The following CLN6 variants were observed in gnomAD, a reference collection of about 807,000 sequenced individuals.
The protein encoded by CLN6 is CLN6 transmembrane ER protein.
Under a neutral mutation model 33.3 loss-of-function variants are expected in CLN6, and 22 were observed. The observed-to-expected ratio is 0.66, with a 90% CI of 0.47 to 0.94. The LOEUF is 0.94. CLN6 is among the 40% of genes least tolerant of loss of function. The probability of loss-of-function intolerance (pLI) is 0.00; values close to 1 mark genes in which losing one functional copy is unlikely to be tolerated. For synonymous variants in CLN6, 201 were observed against 174.6 expected (o/e 1.15, Z -1.19); for missense variants, 387 against 417.1 (o/e 0.93, Z 0.63).
intron 3 of CLN6, chr15:68,213,101 T>C (rs2093210752): frequency 1.3e-5 from 2 of 151,852 alleles, no homozygotes; most frequent in South Asian, 4.1e-4. Context: ...TTTGTATTTT[T>C]AATGGAGATG....
rs779750025 is a variant in CLN6, at chr15:68,208,366, G to T, written c.710C>A (p.Thr237Asn). The change falls in exon 7 of 7, where the codon ACC becomes AAC. Residue 237 changes from threonine to asparagine, a missense_variant. Thr to Asn is a moderately conservative substitution (Grantham distance 65). Transcript: ENST00000249806. This position sits in a 1 kb window ranked among gnomAD's most constrained non-coding sequence, Gnocchi z 5.8. ...GACGAGGGCCAGCATGGCGAAGAAG[G>T]TGAAGATGAAGAGGATGAAGATCTG... ...EGQIFILFIF[T>N]FFAMLALVLH... 1.2e-6 allele frequency: 2 copies of T among 1,613,856 alleles called. No individual in the cohort carries two copies. Among genetic ancestry groups the T allele is most frequent in the Non-Finnish European group, 1.7e-6 (2 of 1,180,042 alleles).
At position 68,209,561 on chromosome 15, in the gene CLN6, A is replaced by G. The variant is rs753451589; in HGVS notation, c.665+76T>C. ...CTCCCTGGGGCCACACAGCAGGTCC[A>G]TTGGCAAGTGCAGAATTTTGCTGCC... On this transcript the variant is annotated intron_variant, in intron 6 of 6. Transcript: ENST00000249806. This position sits in a 1 kb window ranked among gnomAD's most constrained non-coding sequence, Gnocchi z 4.9. The G allele has an allele frequency of 3.9e-5, 62 of 1,593,652 alleles. No homozygotes were observed. The highest frequency in any genetic ancestry group is 5.2e-5 in the Non-Finnish European group (61 of 1,171,196).
chr15:68,213,232 G>GT (rs1211114330), intron 3 of CLN6: 1 of 151,164 alleles, frequency 6.6e-6, no homozygotes, highest in East Asian at 2.0e-4. Context: ...TAAGTTTTTT[G>GT]TATTTTTTTC....
Position 68,211,904 on chromosome 15 carries a change from G to A in CLN6, c.298-41C>T. 1 of 1,596,320 alleles carries A rather than the reference G, an allele frequency of 6.3e-7. No individual in the cohort carries two copies. The highest frequency in any genetic ancestry group is 1.1e-5 in the South Asian group (1 of 90,600). ...GGGTTGGCAGCATGACCCCACCTCT[G>A]TCACAGTATGTGACACCCTCTGCTT... On this transcript the variant is annotated intron_variant, in intron 3 of 6. Coordinates refer to ENST00000249806, the MANE Select transcript of CLN6 (RefSeq NM_017882.3). This position sits in a 1 kb window ranked among gnomAD's most constrained non-coding sequence, Gnocchi z 5.9.
At position 68,219,591 on chromosome 15, in the gene CLN6, T is replaced by A. The variant is rs777734355; in HGVS notation, c.84-941A>T. On this transcript the variant is annotated intron_variant, in intron 1 of 6. Transcript: ENST00000249806. This position sits in a 1 kb window ranked among gnomAD's most constrained non-coding sequence, Gnocchi z 4.2. Reference sequence around the variant, plus strand: ...GCCTCCTCTGGGAAGGCTTCCCTGATGAAGCTTTTCCCAAAGCCCCACCAG... The same window carrying A: ...GCCTCCTCTGGGAAGGCTTCCCTGAAGAAGCTTTTCCCAAAGCCCCACCAG... 9.9e-5 allele frequency among the ~76,000 whole-genome samples: 15 copies of A among 152,186 alleles called. No homozygotes were observed. Among genetic ancestry groups the A allele is most frequent in the Non-Finnish European group, 2.1e-4 (14 of 68,028 alleles).
At position 68,211,387 on chromosome 15, in the gene CLN6, A is replaced by C; in HGVS notation, c.487-69T>G. The C allele has an allele frequency of 1.3e-6, 2 of 1,579,642 alleles. No individual in the cohort carries two copies. Among genetic ancestry groups the C allele is most frequent in the South Asian group, 2.2e-5 (2 of 90,388 alleles). Reference sequence around the variant, plus strand: ...CAGTCCAGGGAGGTGCTGGGGCCCCAAGCATCCCCTCTGACCACCCTTCTC... The same window carrying C: ...CAGTCCAGGGAGGTGCTGGGGCCCCCAGCATCCCCTCTGACCACCCTTCTC... On this transcript the variant is annotated intron_variant, in intron 4 of 6. Coordinates refer to ENST00000249806, the MANE Select transcript of CLN6 (RefSeq NM_017882.3). This position sits in a 1 kb window ranked among gnomAD's most constrained non-coding sequence, Gnocchi z 5.9.
At position 68,227,094 on chromosome 15, in the gene CLN6, G is replaced by A. The variant is rs2093254577; in HGVS notation, c.83+2408C>T. 6.6e-6 allele frequency among the ~76,000 whole-genome samples: 1 copy of A among 150,760 alleles called. No homozygotes were observed. The highest frequency in any genetic ancestry group is 1.5e-5 in the Non-Finnish European group (1 of 67,756). ...TCACTGTCATCCAGGCTGGAGTGCAGTGGCGCCATCTCGGCTCACTACAAC... is the reference window on the plus strand; with the variant it reads ...TCACTGTCATCCAGGCTGGAGTGCAATGGCGCCATCTCGGCTCACTACAAC... On this transcript the variant is annotated intron_variant, in intron 1 of 6. Transcript: ENST00000249806. The surrounding 1 kb of genome is among the most constrained non-coding windows in gnomAD (Gnocchi z 4.1).
In CLN6 at chr15:68,209,936, GACAGAA is replaced by G. The variant is rs1036816546; in HGVS notation, c.543-183_543-178del. Reference sequence around the variant, plus strand: ...TGCCTGTGCTGGGCGTCAAAGGTGGGACAGAAACAGAAACAGGAAGGCAACGCACGT... The same window carrying G: ...TGCCTGTGCTGGGCGTCAAAGGTGGGACAGAAACAGGAAGGCAACGCACGT... On this transcript the variant is annotated intron_variant, in intron 5 of 6. Transcript: ENST00000249806. This position sits in a 1 kb window ranked among gnomAD's most constrained non-coding sequence, Gnocchi z 4.9. Among the ~76,000 whole-genome samples, 2 of 152,134 alleles carry G rather than the reference GACAGAA, an allele frequency of 1.3e-5. No individual in the cohort carries two copies. The highest frequency in any genetic ancestry group is 2.4e-5 in the African/African-American group (1 of 41,416).
chr15:68,212,399 C>T (rs1268698513), intron 3 of CLN6: 1 of 160,086 alleles, frequency 6.2e-6, no homozygotes, highest in African/African-American at 2.4e-5. Context: ...AAGTATCTTT[C>T]TTCAATACAA....
rs985512776 is a variant in CLN6, at chr15:68,210,564, C to T, written c.542+699G>A. Among the ~76,000 whole-genome samples, 19 of 152,144 alleles carry T rather than the reference C, an allele frequency of 1.2e-4. No homozygotes were observed. The highest frequency in any genetic ancestry group is 4.3e-4 in the African/African-American group (18 of 41,434). ...GGAGTGAGCCGGGTCCAGGGCTGGC[C>T]CTCACCTCCCAGCTGCAGCCTTCGG... On this transcript the variant is annotated intron_variant, in intron 5 of 6. Coordinates refer to ENST00000249806, the MANE Select transcript of CLN6 (RefSeq NM_017882.3). This position sits in a 1 kb window ranked among gnomAD's most constrained non-coding sequence, Gnocchi z 5.6.
At position 68,242,704 on chromosome 15, in the gene CLN6, T is replaced by G. The variant is rs1457834515; in HGVS notation, c.179+13986A>C. Among the ~76,000 whole-genome samples the G allele has an allele frequency of 6.6e-6, 1 of 152,202 alleles. No individual in the cohort carries two copies. Among genetic ancestry groups the G allele is most frequent in the Non-Finnish European group, 1.5e-5 (1 of 68,040 alleles). On this transcript the variant is annotated intron_variant, in intron 1 of 6. Transcript: ENST00000538696. This position sits in a 1 kb window ranked among gnomAD's most constrained non-coding sequence, Gnocchi z 5.0. ...TTGGTAAAATAAAATGTCTTGAAAG[T>G]GTAGACATTTGGTTTAAATTAAGGT... is the stretch of plus-strand genomic sequence containing the variant.
chr15:68,235,592 ATATATATATATAT>A (rs1567103356), intron 1 of CLN6, among the ~76,000 whole-genome samples: 94 of 104,308 alleles, frequency 9.0e-4, no homozygotes, highest in Non-Finnish European at 1.2e-3. Context: ...AAATAAATAT[ATATATATATATAT>A]ATATATATAT....
At chr15:68,243,340 GTT>G (rs1234753451) in intron 1 of CLN6, among the ~76,000 whole-genome samples, 2 of 152,270 alleles carry the variant, frequency 1.3e-5, no homozygotes, top group East Asian at 3.9e-4. Context: ...GAATAACAGA[GTT>G]TTCTTAGAAA....
chr15:68,230,882 A>C (rs1595827674), upstream of CLN6, among the ~76,000 whole-genome samples: 2 of 149,720 alleles, frequency 1.3e-5, no homozygotes, highest in Non-Finnish European at 1.5e-5. The surrounding 1 kb of genome is among the most constrained non-coding windows in gnomAD (Gnocchi z 4.0). Flanking sequence ...TCTCCCCACC[A>C]CCCCCGTGCT....
Position 68,228,597 on chromosome 15 carries a change from T to C in CLN6, c.83+905A>G, listed in dbSNP as rs1418066530. Among the ~76,000 whole-genome samples the C allele has an allele frequency of 6.6e-5, 10 of 152,154 alleles. No homozygotes were observed. On this transcript the variant is annotated intron_variant, in intron 1 of 6. Coordinates refer to ENST00000249806, the MANE Select transcript of CLN6 (RefSeq NM_017882.3). This position sits in a 1 kb window ranked among gnomAD's most constrained non-coding sequence, Gnocchi z 4.4. ...GAAAGCTCCAGCACCACTAAACTCC[T>C]TGCCCTTCCCCACTGTTTCCCTGGA...
rs2141162920 is a variant in CLN6, at chr15:68,242,707, A to T, written c.179+13983T>A. 6.6e-6 allele frequency among the ~76,000 whole-genome samples: 1 copy of T among 152,368 alleles called. No homozygotes were observed. Among genetic ancestry groups the T allele is most frequent in the East Asian group, 1.9e-4 (1 of 5,194 alleles). On this transcript the variant is annotated intron_variant, in intron 1 of 6. Transcript: ENST00000538696. This position sits in a 1 kb window ranked among gnomAD's most constrained non-coding sequence, Gnocchi z 5.0. ...GTAAAATAAAATGTCTTGAAAGTGT[A>T]GACATTTGGTTTAAATTAAGGTCAG...
At chr15:68,254,125 C>A (rs1329445605) in intron 1 of CLN6, among the ~76,000 whole-genome samples, 1 of 151,500 alleles carries the variant, frequency 6.6e-6, no homozygotes, top group African/African-American at 2.4e-5. Flanking sequence ...GTGATCCGCC[C>A]GTCTCGGCCT....
chr15:68,211,050 C>T lies in CLN6; in HGVS notation c.542+213G>A, dbSNP rs374118143. On this transcript the variant is annotated intron_variant, in intron 5 of 6. Coordinates refer to ENST00000249806, the MANE Select transcript of CLN6 (RefSeq NM_017882.3). The surrounding 1 kb of genome is among the most constrained non-coding windows in gnomAD (Gnocchi z 5.9). The stretch of plus-strand genomic sequence containing the variant: ...TGCTGGGGGGATGCTGGCTGGAAGC[C>T]GGGGCCTGGAGCCTGGGACAGCAGC... 4.6e-5 allele frequency among the ~76,000 whole-genome samples: 7 copies of T among 152,170 alleles called. No homozygotes were observed. Among genetic ancestry groups the T allele is most frequent in the South Asian group, 2.1e-4 (1 of 4,828 alleles).
In CLN6 at chr15:68,210,662, G is replaced by T. The variant is rs1452394672; in HGVS notation, c.542+601C>A. On this transcript the variant is annotated intron_variant, in intron 5 of 6. Coordinates refer to ENST00000249806, the MANE Select transcript of CLN6 (RefSeq NM_017882.3). The surrounding 1 kb of genome is among the most constrained non-coding windows in gnomAD (Gnocchi z 5.6). ...TGGAACAGATGAAGCCTCCCAGCCT[G>T]GGCCCGGGATCTCCTGAGGCTGAGA... 3.3e-5 allele frequency among the ~76,000 whole-genome samples: 5 copies of T among 152,144 alleles called. No homozygotes were observed. The highest frequency in any genetic ancestry group is 7.4e-5 in the Non-Finnish European group (5 of 68,010).
Sources: allele counts gnomAD v4.1 joint callset (sites outside exome capture counted in the v4.1 genomes callset), GRCh38; gene constraint gnomAD v4.1.1; non-coding constraint Gnocchi (gnomAD v3.1); transcripts MANE v1.5; gene names NCBI Gene and HGNC (gene_info 2026-07-23, HGNC 2026-07-21).